Variants in PDE1A observed in about 807,000 individuals in gnomAD.
The protein encoded by PDE1A is phosphodiesterase 1A, also known as dual specificity calcium/calmodulin-dependent 3',5'-cyclic nucleotide phosphodiesterase 1A.
In PDE1A, 35 loss-of-function variants were observed where a neutral mutation model predicts 61.7. That is an observed-to-expected ratio of 0.57 (90% CI 0.43 to 0.75). The LOEUF is 0.75. Among genes scored for constraint, PDE1A ranks in the 30% least tolerant of loss-of-function variants. The pLI is 0.00. For missense variants in PDE1A, 597 were observed against 630.6 expected (o/e 0.95, Z 0.57); for synonymous variants, 232 against 213.2 (o/e 1.09, Z -0.77).
intron 1 of PDE1A, among the ~76,000 whole-genome samples, chr2:182,309,872 C>G (rs1300876445): frequency 6.6e-6 from 1 of 151,954 alleles, no homozygotes; most frequent in African/African-American, 2.4e-5. Context: ...TGCCTTGGAA[C>G]TCAATAAAAT....
chr2:182,626,000 G>GA, the PDE1A span, among the ~76,000 whole-genome samples: 1 of 152,016 alleles, frequency 6.6e-6, no homozygotes, highest in East Asian at 1.9e-4. Context: ...AGAGACAGAG[G>GA]AAAAAAACAC....
chr2:182,611,063 G>A, the PDE1A span, among the ~76,000 whole-genome samples: 8 of 152,292 alleles, frequency 5.3e-5, no homozygotes, highest in Admixed American at 1.3e-4. Flanking sequence ...AAATTCTTTA[G>A]ATGAAAAGCA....
intron 2 of PDE1A, among the ~76,000 whole-genome samples, chr2:182,475,262 T>C (rs12468346): frequency 0.16 from 24,753 of 151,702 alleles, 2,501 homozygotes; most frequent in Middle Eastern, 0.31. Context: ...CCAAGATGAG[T>C]GCCATCTGGG....
the PDE1A span, among the ~76,000 whole-genome samples, chr2:182,645,477 T>C: frequency 6.6e-6 from 1 of 152,242 alleles, no homozygotes; most frequent in Non-Finnish European, 1.5e-5. Flanking sequence ...TGGCATTTCT[T>C]ATTCAAAACA....
intron 2 of PDE1A, among the ~76,000 whole-genome samples, chr2:182,469,196 G>C (rs1371206442): frequency 6.6e-6 from 1 of 151,942 alleles, no homozygotes; most frequent in African/African-American, 2.4e-5. Flanking sequence ...GAAAGTCCTA[G>C]ATGGCATCTT....
the PDE1A span, among the ~76,000 whole-genome samples, chr2:182,695,622 G>A: frequency 1.2e-4 from 17 of 137,750 alleles, no homozygotes; most frequent in South Asian, 3.8e-3. Flanking sequence ...AGCCGAGATC[G>A]CGCCACTGCA....
chr2:182,434,585 C>G (rs1442481888), intron 2 of PDE1A, among the ~76,000 whole-genome samples: 1 of 151,872 alleles, frequency 6.6e-6, no homozygotes, highest in African/African-American at 2.4e-5. Context: ...AAGAGGGGAG[C>G]AGCCCTCCTG....
the PDE1A span, among the ~76,000 whole-genome samples, chr2:182,708,281 T>G: frequency 1.3e-5 from 2 of 151,936 alleles, no homozygotes; most frequent in East Asian, 1.9e-4. Flanking sequence ...GTGGGAATTT[T>G]GGGAGCTACG....
intron 1 of PDE1A, among the ~76,000 whole-genome samples, chr2:182,267,765 C>T (rs528796732): frequency 2.6e-5 from 4 of 151,950 alleles, no homozygotes; most frequent in South Asian, 2.1e-4. Context: ...AATCTTATTT[C>T]GGCTATTATT....
chr2:182,502,880 G>A (rs747695020), intron 2 of PDE1A, among the ~76,000 whole-genome samples: 3 of 152,094 alleles, frequency 2.0e-5, no homozygotes, highest in Non-Finnish European at 2.9e-5. Flanking sequence ...CTGGGAATAT[G>A]TGATGATTTT....
intron 1 of PDE1A, among the ~76,000 whole-genome samples, chr2:182,423,370 T>C (rs1411332654): frequency 6.6e-6 from 1 of 152,138 alleles, no homozygotes; most frequent in Non-Finnish European, 1.5e-5. Flanking sequence ...CAGACATTCT[T>C]AGAGGCAGGA....
exon 7 of PDE1A, chr2:182,223,964 G>A: frequency 6.3e-7 from 1 of 1,593,584 alleles, no homozygotes; most frequent in Non-Finnish European, 8.6e-7. Context: ...GTGAGCCAGT[G>A]CTAGTAAATT....
intron 1 of PDE1A, among the ~76,000 whole-genome samples, chr2:182,305,694 G>A (rs1423563482): frequency 1.4e-5 from 2 of 143,222 alleles, no homozygotes; most frequent in Non-Finnish European, 3.1e-5. Context: ...TAAAAGTGAT[G>A]TATTTATTAC....
At chr2:182,518,406 G>A (rs1451235579) in intron 2 of PDE1A, among the ~76,000 whole-genome samples, 1 of 151,968 alleles carries the variant, frequency 6.6e-6, no homozygotes, top group Non-Finnish European at 1.5e-5. Flanking sequence ...TAAACATTTT[G>A]TCCTTCACTA....
the PDE1A span, among the ~76,000 whole-genome samples, chr2:182,656,410 A>G: frequency 9.7e-4 from 148 of 152,358 alleles, 1 homozygote; most frequent in East Asian, 0.026. Context: ...TGCACATTCT[A>G]TGATAATTTC....
intron 6 of PDE1A, among the ~76,000 whole-genome samples, chr2:182,229,689 G>T (rs1275703577): frequency 1.3e-5 from 2 of 151,886 alleles, no homozygotes; most frequent in Non-Finnish European, 1.5e-5. Flanking sequence ...TCTTTCTAAA[G>T]ACTTTTTCTC....
chr2:182,320,756 T>C (rs1696646115), intron 1 of PDE1A, among the ~76,000 whole-genome samples: 2 of 152,198 alleles, frequency 1.3e-5, no homozygotes, highest in Admixed American at 1.3e-4. Flanking sequence ...ATGATTAATA[T>C]AAATTTAGAC....
At chr2:182,180,390 A>C (rs563510195) in intron 13 of PDE1A, among the ~76,000 whole-genome samples, 1 of 152,140 alleles carries the variant, frequency 6.6e-6, no homozygotes, top group South Asian at 2.1e-4. Flanking sequence ...AGAATGTTGA[A>C]TATTGAATAT....
chr2:182,271,843 A>G (rs1197736909), intron 1 of PDE1A, among the ~76,000 whole-genome samples: 1 of 152,098 alleles, frequency 6.6e-6, no homozygotes, highest in African/African-American at 2.4e-5. Context: ...AAACATTAAT[A>G]TGACTTAATA....
Sources: gnomAD v4.1 joint callset for allele counts (sites outside exome capture counted in the v4.1 genomes callset) on GRCh38, gnomAD v4.1.1 for gene constraint, MANE v1.5 for transcripts, NCBI Gene and HGNC (gene_info 2026-07-23, HGNC 2026-07-21) for gene names.